STPG2: variants seen among roughly 807,000 people sequenced by gnomAD.
STPG2 encodes sperm-tail PG-rich repeat-containing protein 2.
STPG2 carries 56 observed loss-of-function variants against 54.2 expected under a neutral mutation model. That is an observed-to-expected ratio of 1.03 (90% CI 0.83 to 1.29). STPG2 has a LOEUF of 1.29. Ranked by LOEUF, STPG2 falls within the 50% of genes most tolerant of loss-of-function variation. STPG2 has a pLI of 0.00. For missense variants in STPG2, 596 were observed against 544.9 expected, an observed-to-expected ratio of 1.09 and a Z score of -0.93; for synonymous variants, 200 against 181.8, an observed-to-expected ratio of 1.10 and a Z score of -0.81.
At chr4:98,006,355 A>G (rs886203496) in intron 5 of STPG2, among the ~76,000 whole-genome samples, 3 of 152,162 alleles carry the variant, frequency 2.0e-5, no homozygotes, top group Admixed American at 2.0e-4. Flanking sequence ...CTCTCCCAAT[A>G]CCTAAAGCTA....
chr4:97,582,938 T>G (rs1732898366), intron 10 of STPG2, among the ~76,000 whole-genome samples: 1 of 152,040 alleles, frequency 6.6e-6, no homozygotes, highest in African/African-American at 2.4e-5. Context: ...TTTCCTGATC[T>G]TTTTGAACAC....
intron 7 of STPG2, among the ~76,000 whole-genome samples, chr4:97,965,680 C>T (rs1734072384): frequency 6.6e-6 from 1 of 152,172 alleles, no homozygotes; most frequent in South Asian, 2.1e-4. Context: ...TATTCTGCAA[C>T]ATTTGCTGTT....
In STPG2 at chr4:98,041,277, G is replaced by C. The variant is rs113120906; in HGVS notation, c.613-59959C>G. On this transcript the variant is annotated intron_variant, in intron 5 of 10. Transcript: ENST00000295268. ...ACACACAATTTCATATCAGCAACCA[G>C]AGATAATTTGAAATCCTCTTTTCCA... Among the ~76,000 whole-genome samples the C allele has an allele frequency of 5.9e-3, 893 of 151,976 alleles. 6 individuals are homozygous for C. The highest frequency in any genetic ancestry group is 0.02 in the Middle Eastern group (6 of 294).
chr4:97,945,860 A>C (rs1318415857), intron 7 of STPG2, among the ~76,000 whole-genome samples: 1 of 152,128 alleles, frequency 6.6e-6, no homozygotes, highest in Admixed American at 6.6e-5. Flanking sequence ...AGAGTTCATG[A>C]TCAGCCTGAG....
At chr4:97,847,372 G>A (rs998912658) in intron 8 of STPG2, among the ~76,000 whole-genome samples, 1 of 151,958 alleles carries the variant, frequency 6.6e-6, no homozygotes, top group African/African-American at 2.4e-5. Flanking sequence ...TATTTTGATA[G>A]GAAAAAGTAT....
At chr4:97,504,532 T>A (rs932038453) in intron 4 of STPG2, among the ~76,000 whole-genome samples, 1 of 151,962 alleles carries the variant, frequency 6.6e-6, no homozygotes, top group Non-Finnish European at 1.5e-5. Flanking sequence ...TTGTAGTTTT[T>A]AAATTCTAAG....
intron 9 of STPG2, among the ~76,000 whole-genome samples, chr4:97,731,094 T>G (rs1724780384): frequency 3.9e-5 from 6 of 152,248 alleles, no homozygotes; most frequent in Admixed American, 3.9e-4. Context: ...GTTGCCACAG[T>G]TCTTTCACTG....
intron 8 of STPG2, among the ~76,000 whole-genome samples, chr4:97,919,145 C>T (rs1731999348): frequency 6.6e-6 from 1 of 151,926 alleles, no homozygotes; most frequent in South Asian, 2.1e-4. Context: ...AAACATCTTA[C>T]ACTAAGTGAA....
chr4:97,567,807 C>A (rs1385240906), intron 10 of STPG2, among the ~76,000 whole-genome samples: 1 of 151,946 alleles, frequency 6.6e-6, no homozygotes, highest in Non-Finnish European at 1.5e-5. Context: ...ATGTGTATAG[C>A]ATATGTACAT....
chr4:97,673,665 G>A (rs977936560), intron 10 of STPG2, among the ~76,000 whole-genome samples: 3 of 121,562 alleles, frequency 2.5e-5, no homozygotes, highest in South Asian at 3.3e-4. Context: ...AAGAATATAC[G>A]GCTTTATATT....
chr4:98,122,431 C>T (rs1337350740), intron 3 of STPG2, among the ~76,000 whole-genome samples: 7 of 152,094 alleles, frequency 4.6e-5, no homozygotes, highest in African/African-American at 9.7e-5. Context: ...TATCAAAGGC[C>T]TTTTCTGTGT....
At chr4:97,554,027 T>C (rs1732024274), downstream of STPG2, among the ~76,000 whole-genome samples, 1 of 152,204 alleles carries the variant, frequency 6.6e-6, no homozygotes, top group South Asian at 2.1e-4. Context: ...TTTCTTACCG[T>C]TATCTTTAAC....
At chr4:97,674,311 A>G (rs1046421795) in intron 10 of STPG2, among the ~76,000 whole-genome samples, 1 of 152,216 alleles carries the variant, frequency 6.6e-6, no homozygotes. Context: ...AAACAAAAGC[A>G]GAAAATTTTT....
chr4:97,635,666 A>G (rs1033597700), intron 10 of STPG2, among the ~76,000 whole-genome samples: 2 of 152,164 alleles, frequency 1.3e-5, no homozygotes, highest in African/African-American at 4.8e-5. Context: ...CAAATGGAAA[A>G]CAAAAAAAGG....
At chr4:98,015,183 C>G (rs1263521098) in intron 5 of STPG2, among the ~76,000 whole-genome samples, 1 of 152,066 alleles carries the variant, frequency 6.6e-6, no homozygotes, top group Non-Finnish European at 1.5e-5. Flanking sequence ...AAAGTAATGG[C>G]AACAAAACCC....
intron 4 of STPG2, among the ~76,000 whole-genome samples, chr4:97,505,528 T>C (rs1329337722): frequency 2.0e-5 from 3 of 151,950 alleles, no homozygotes; most frequent in African/African-American, 7.2e-5. Flanking sequence ...TTTAATTGGA[T>C]GCATGCTGGA....
intron 9 of STPG2, among the ~76,000 whole-genome samples, chr4:97,783,818 C>G (rs1294858186): frequency 6.6e-6 from 1 of 151,904 alleles, no homozygotes; most frequent in Admixed American, 6.6e-5. Flanking sequence ...TAAACTATCA[C>G]AAGGACAAAA....
chr4:98,081,903 G>T (rs1213447482), intron 5 of STPG2, among the ~76,000 whole-genome samples: 4 of 152,088 alleles, frequency 2.6e-5, no homozygotes, highest in African/African-American at 9.7e-5. Context: ...GATAAACAGG[G>T]CCATGACAAA....
At chr4:98,109,416 AG>A in intron 3 of STPG2, 111 bp from the exon 4 acceptor site, 2 of 745,582 alleles carry the variant, frequency 2.7e-6, no homozygotes, top group Non-Finnish European at 4.3e-6. Context: ...AGCCTCAGTA[AG>A]GGGGTTCCAC....
Sources: gnomAD v4.1 joint callset for allele counts (sites outside exome capture counted in the v4.1 genomes callset) on GRCh38, gnomAD v4.1.1 for gene constraint, MANE v1.5 for transcripts, NCBI Gene and HGNC (gene_info 2026-07-23, HGNC 2026-07-21) for gene names.